ABCA13: variants seen among roughly 807,000 people sequenced by gnomAD.
ABCA13 encodes the protein ATP-binding cassette sub-family A member 13.
A neutral mutation model predicts 478.7 loss-of-function variants in ABCA13; 476 were observed. The observed-to-expected ratio is 0.99, with a 90% confidence interval of 0.92 to 1.07. ABCA13 has a LOEUF of 1.07. ABCA13 is among the 50% of genes least tolerant of loss of function. ABCA13 has a pLI of 0.00. For missense variants in ABCA13, 6,060 were observed against 5,910.6 expected, an observed-to-expected ratio of 1.03 and a Z score of -0.83; for synonymous variants, 2,252 against 2,158.9, an observed-to-expected ratio of 1.04 and a Z score of -1.20.
chr7:48,615,462 G>T, intron 59 of ABCA13, 85 bp downstream of exon 59: 1 of 1,226,196 alleles, frequency 8.2e-7, no homozygotes, highest in Non-Finnish European at 1.1e-6. Flanking sequence ...TGCTTTAGAG[G>T]CAAGTATGTT....
At chr7:48,539,723 C>T (rs1833834453) in intron 55 of ABCA13, among the ~76,000 whole-genome samples, 1 of 152,140 alleles carries the variant, frequency 6.6e-6, no homozygotes, top group Admixed American at 6.6e-5. Context: ...ATTTCTTCAT[C>T]CATATACTAG....
At position 48,240,962 on chromosome 7, in the gene ABCA13, G is replaced by C. The variant is rs771282673; in HGVS notation, c.1158G>C (p.Glu386Asp). The C allele has an allele frequency of 6.2e-6, 10 of 1,613,828 alleles. No individual in the cohort carries two copies. Among genetic ancestry groups the C allele is most frequent in the Non-Finnish European group, 8.5e-6 (10 of 1,179,746 alleles). The change falls in exon 10 of 62, where the codon GAG (glutamate) becomes GAC (aspartate). Residue 386 changes from glutamate (E) to aspartate (D), a missense_variant. Physicochemically the swap from Glu to Asp is conservative, Grantham distance 45. Coordinates refer to ENST00000435803, the MANE Select transcript of ABCA13 (RefSeq NM_152701.5). ...CTCTCAGGAATCAGTTTGAAGAAGA[G>C]AGCAAGCCCTGGAAGGTGGTGGAAG... ...LEALRNQFEE[E>D]SKPWKVVEAL...
intron 48 of ABCA13, among the ~76,000 whole-genome samples, chr7:48,497,141 A>G (rs1218425730): frequency 6.6e-6 from 1 of 151,514 alleles, no homozygotes; most frequent in Non-Finnish European, 1.5e-5. Flanking sequence ...TTATTTCTCT[A>G]TGTTATTTAG....
rs184476126 is a variant in ABCA13, at chr7:48,635,692, C to A, written c.14838-7596C>A. On this transcript the variant is annotated intron_variant, in intron 59 of 61. Transcript: ENST00000435803. ...GGGAAGACAGCTCACTTACAGAGAG[C>A]TAAGGTGGGAGAGAGCCCTGTGTTC... Among the ~76,000 whole-genome samples the A allele has an allele frequency of 9.9e-5, 15 of 152,276 alleles. No individual in the cohort carries two copies. In the East Asian group the frequency reaches 2.9e-3, roughly 29 times the overall value.
chr7:48,583,266 G>A (rs1788872119), intron 56 of ABCA13, among the ~76,000 whole-genome samples: 1 of 152,120 alleles, frequency 6.6e-6, no homozygotes. Flanking sequence ...TTAGCTAGAA[G>A]GAGCTAGAAT....
chr7:48,591,015 G>A (rs932524478), intron 57 of ABCA13, among the ~76,000 whole-genome samples: 1 of 151,038 alleles, frequency 6.6e-6, no homozygotes, highest in Non-Finnish European at 1.5e-5. Context: ...ATGTGCTTTT[G>A]GTGTCATATC....
At chr7:48,228,041 T>C (rs1584314149) in intron 6 of ABCA13, among the ~76,000 whole-genome samples, 1 of 152,374 alleles carries the variant, frequency 6.6e-6, no homozygotes, top group Non-Finnish European at 1.5e-5. Flanking sequence ...CATGGCCCTC[T>C]TTTATAACCA....
In ABCA13 at chr7:48,483,122, G is replaced by A; in HGVS notation, c.13141G>A (p.Gly4381Ser). 1 of 1,613,380 alleles carries A rather than the reference G, an allele frequency of 6.2e-7. No individual in the cohort carries two copies. Among genetic ancestry groups the A allele is most frequent in the East Asian group, 2.2e-5 (1 of 44,876 alleles). The change falls in exon 47 of 62, where the codon GGT becomes AGT. Residue 4381 changes from glycine to serine, a missense_variant. Physicochemically the swap from Gly to Ser is moderately conservative, Grantham distance 56. Transcript: ENST00000435803. ...ATTAAAAATCCCCAGTGAAGCTGGAGGTGCAAATGGAAACATATCAAAACC... is the reference window on the plus strand; with the variant it reads ...ATTAAAAATCCCCAGTGAAGCTGGAAGTGCAAATGGAAACATATCAAAACC... ...FGLKIPSEAGGANGNISKPPT... is the reference protein window; with the variant it reads ...FGLKIPSEAGSANGNISKPPT...
chr7:48,372,457 T>G lies in ABCA13; in HGVS notation c.11093T>G (p.Val3698Gly). ...ISFLPYIVLL[V>G]LHNQLSFVNQ... The stretch of plus-strand genomic sequence containing the variant: ...TTTCTGCCCTACATAGTTCTATTGG[T>G]TCTACATAACCAATTAAGTTTTGTT... Residue 3698 changes from valine to glycine, a missense_variant, in exon 33 of 62, where the codon GTT becomes GGT. Coordinates refer to ENST00000435803, the MANE Select transcript of ABCA13 (RefSeq NM_152701.5). 1 of 1,607,040 alleles carries G rather than the reference T, an allele frequency of 6.2e-7. No individual in the cohort carries two copies. The highest frequency in any genetic ancestry group is 8.5e-7 in the Non-Finnish European group (1 of 1,175,056).
At chr7:48,208,667 A>G (rs1334893114) in intron 3 of ABCA13, among the ~76,000 whole-genome samples, 6 of 151,648 alleles carry the variant, frequency 4.0e-5, no homozygotes, top group Non-Finnish European at 7.4e-5. Flanking sequence ...GTATCCTGCA[A>G]CTTTACTGAA....
intron 55 of ABCA13, among the ~76,000 whole-genome samples, chr7:48,528,971 T>A (rs934654391): frequency 7.9e-5 from 12 of 152,162 alleles, no homozygotes; most frequent in Admixed American, 5.2e-4. Context: ...TGCATTCCTT[T>A]ATGTCACTCT....
At position 48,205,695 on chromosome 7, in the gene ABCA13, C is replaced by CT. The variant is rs556208365; in HGVS notation, c.287+7338dup. ...GCATTATTTAATTTATTTAGGTTTT[C>CT]TTTAGTGTCTTTCAACATAGCTTTA... is the stretch of plus-strand genomic sequence containing the variant. On this transcript the variant is annotated intron_variant, in intron 3 of 61. Transcript: ENST00000435803. 2.2e-4 allele frequency among the ~76,000 whole-genome samples: 34 copies of CT among 152,240 alleles called. 1 individual carries two copies. The East Asian group carries it at 6.5e-3, about 29-fold the overall frequency.
chr7:48,575,664 G>A (rs1788097948), intron 55 of ABCA13, among the ~76,000 whole-genome samples: 1 of 152,024 alleles, frequency 6.6e-6, no homozygotes, highest in Non-Finnish European at 1.5e-5. Flanking sequence ...TTTTCCTGTG[G>A]GTCAGAGATG....
At chr7:48,404,772 T>C (rs1818041010) in intron 39 of ABCA13, 1 of 152,226 alleles carries the variant, frequency 6.6e-6, no homozygotes, top group South Asian at 2.1e-4. Flanking sequence ...TACTCCAGTC[T>C]GTCACTTAAA....
At chr7:48,228,613 G>T (rs978534715) in intron 6 of ABCA13, among the ~76,000 whole-genome samples, 2 of 152,124 alleles carry the variant, frequency 1.3e-5, no homozygotes, top group African/African-American at 2.4e-5. Flanking sequence ...GAAGGTTGGG[G>T]CCAGGGACAG....
At chr7:48,589,146 G>A (rs752436032) in intron 57 of ABCA13, among the ~76,000 whole-genome samples, 1 of 152,166 alleles carries the variant, frequency 6.6e-6, no homozygotes. Context: ...ACAGTTTGGC[G>A]AGATTTCTCT....
chr7:48,544,444 C>T (rs569152563), intron 55 of ABCA13, among the ~76,000 whole-genome samples: 39 of 151,854 alleles, frequency 2.6e-4, no homozygotes, highest in Non-Finnish European at 3.7e-4. Flanking sequence ...CCCTCAATCT[C>T]AGGGGATGAT....
chr7:48,184,806 C>T (rs1490790445), intron 1 of ABCA13, among the ~76,000 whole-genome samples: 1 of 152,150 alleles, frequency 6.6e-6, no homozygotes, highest in South Asian at 2.1e-4. Context: ...GGTGACAGAG[C>T]AAGACTATCT....
At chr7:48,444,183 T>A (rs948552966) in intron 42 of ABCA13, among the ~76,000 whole-genome samples, 21 of 152,194 alleles carry the variant, frequency 1.4e-4, no homozygotes, top group Admixed American at 1.4e-3. Flanking sequence ...TGCTCATGGC[T>A]CTTCTTTTGC....
Sources: gnomAD v4.1 joint callset for allele counts (sites outside exome capture counted in the v4.1 genomes callset) on GRCh38, gnomAD v4.1.1 for gene constraint, MANE v1.5 for transcripts, NCBI Gene and HGNC (gene_info 2026-07-23, HGNC 2026-07-21) for gene names.